DLG2: variants seen among roughly 807,000 people sequenced by gnomAD.
The protein encoded by DLG2 is discs large MAGUK scaffold protein 2.
Under a neutral mutation model 132.5 loss-of-function variants are expected in DLG2, and 45 were observed. The ratio of observed to expected loss-of-function variants is 0.34; its 90% CI spans 0.27 to 0.44. DLG2 has a LOEUF of 0.44. DLG2 is among the 20% of genes least tolerant of loss of function. The probability of loss-of-function intolerance (pLI) is 1.00; values close to 1 mark genes in which losing one functional copy is unlikely to be tolerated. For missense variants in DLG2, 1,045 were observed against 1,196.9 expected (o/e 0.87, Z 1.87); for synonymous variants, 424 against 419.6 (o/e 1.01, Z -0.13).
chr11:84,520,225 A>C (rs1271330681), intron 7 of DLG2, among the ~76,000 whole-genome samples: 2 of 152,180 alleles, frequency 1.3e-5, no homozygotes, highest in Non-Finnish European at 2.9e-5. Context: ...TGTCTACAAA[A>C]ATTGTATGGA....
At chr11:83,509,282 C>A (rs755064059) in intron 21 of DLG2, among the ~76,000 whole-genome samples, 1 of 152,202 alleles carries the variant, frequency 6.6e-6, no homozygotes, top group Non-Finnish European at 1.5e-5. Flanking sequence ...GATTCATTTT[C>A]TTCATCTGCA....
intron 11 of DLG2, among the ~76,000 whole-genome samples, chr11:84,029,660 T>C (rs1415900625): frequency 6.6e-6 from 1 of 152,150 alleles, no homozygotes; most frequent in East Asian, 1.9e-4. Flanking sequence ...AAGTGGCAGG[T>C]CCCAGGACTC....
rs116382519 is a variant in DLG2 at position 84,525,985 on chromosome 11, C to T, written c.519+8585G>A. The stretch of plus-strand genomic sequence containing the variant: ...TATAATTTTTTTTCTCTGACAACAC[C>T]CATCCTAACCTCTCCAGCTCCAAAA... On this transcript the variant is annotated intron_variant, in intron 7 of 27. Coordinates refer to ENST00000376104, the MANE Select transcript of DLG2 (RefSeq NM_001142699.3). Among the ~76,000 whole-genome samples, 590 of 152,114 alleles carry T rather than the reference C, an allele frequency of 3.9e-3. 2 individuals are homozygous for T. Among genetic ancestry groups the T allele is most frequent in the African/African-American group, 0.013 (558 of 41,498 alleles).
At chr11:84,845,064 A>G (rs1002640391) in intron 6 of DLG2, among the ~76,000 whole-genome samples, 1 of 152,116 alleles carries the variant, frequency 6.6e-6, no homozygotes, top group African/African-American at 2.4e-5. Flanking sequence ...TGACTATTAC[A>G]TTGCTTTTTA....
At chr11:83,896,586 G>A (rs998264383) in intron 15 of DLG2, among the ~76,000 whole-genome samples, 5 of 152,180 alleles carry the variant, frequency 3.3e-5, no homozygotes, top group African/African-American at 7.2e-5. Context: ...ATTCTCTTAC[G>A]ACTGAGTTTT....
intron 3 of DLG2, among the ~76,000 whole-genome samples, chr11:85,471,491 C>T (rs146162774): frequency 9.9e-5 from 15 of 151,988 alleles, no homozygotes; most frequent in East Asian, 5.8e-4. Context: ...GCACAAAACA[C>T]GTAAGGAACA....
chr11:84,810,548 A>G (rs1238373975), intron 6 of DLG2, among the ~76,000 whole-genome samples: 1 of 152,218 alleles, frequency 6.6e-6, no homozygotes, highest in African/African-American at 2.4e-5. Flanking sequence ...ATAAAATGGT[A>G]CAACCACTCT....
intron 6 of DLG2, among the ~76,000 whole-genome samples, chr11:84,737,211 G>A (rs1470598109): frequency 6.6e-6 from 1 of 151,818 alleles, no homozygotes; most frequent in Non-Finnish European, 1.5e-5. Flanking sequence ...GTTTGGTCAT[G>A]ATATATTATA....
At chr11:84,135,108 A>G (rs2154222914) in intron 9 of DLG2, among the ~76,000 whole-genome samples, 1 of 152,174 alleles carries the variant, frequency 6.6e-6, no homozygotes, top group East Asian at 1.9e-4. Context: ...GCTTTCTGAG[A>G]GTAAGAATTT....
chr11:84,923,601 C>G (rs1480531897), intron 6 of DLG2: 2 of 990,450 alleles, frequency 2.0e-6, no homozygotes, highest in African/African-American at 1.7e-5. Flanking sequence ...AAGAGGAAAC[C>G]CTTCTTCCTT....
chr11:83,796,283 A>T (rs960721618), intron 17 of DLG2, among the ~76,000 whole-genome samples: 1 of 152,228 alleles, frequency 6.6e-6, no homozygotes, highest in African/African-American at 2.4e-5. Context: ...TGTTTGGGTC[A>T]GCTCCAGTGA....
intron 6 of DLG2, among the ~76,000 whole-genome samples, chr11:85,006,806 T>C (rs1206882696): frequency 3.3e-5 from 5 of 152,192 alleles, no homozygotes; most frequent in Non-Finnish European, 5.9e-5. Context: ...CTGTAGTTCT[T>C]TTTAATTGTG....
chr11:85,359,735 C>T (rs775182007), intron 3 of DLG2, among the ~76,000 whole-genome samples: 6 of 152,120 alleles, frequency 3.9e-5, no homozygotes, highest in Non-Finnish European at 7.4e-5. Context: ...GGGGAGGGCG[C>T]AACAACGTGA....
intron 7 of DLG2, among the ~76,000 whole-genome samples, chr11:84,308,456 C>T (rs912468200): frequency 6.6e-6 from 1 of 152,218 alleles, no homozygotes; most frequent in African/African-American, 2.4e-5. Context: ...TTCTCCAAGT[C>T]CCCACCAGAG....
At chr11:85,444,633 G>A (rs1465816019) in intron 3 of DLG2, among the ~76,000 whole-genome samples, 1 of 152,192 alleles carries the variant, frequency 6.6e-6, no homozygotes, top group Non-Finnish European at 1.5e-5. Flanking sequence ...CTCGACAAGA[G>A]CTATGCCCAT....
At chr11:84,750,573 GA>G (rs1454629538) in intron 6 of DLG2, among the ~76,000 whole-genome samples, 5 of 151,416 alleles carry the variant, frequency 3.3e-5, no homozygotes, top group African/African-American at 7.3e-5. Context: ...AATAGTTATT[GA>G]AAAAAACTAT....
At chr11:85,220,133 C>G (rs972892989) in intron 4 of DLG2, among the ~76,000 whole-genome samples, 4 of 151,852 alleles carry the variant, frequency 2.6e-5, no homozygotes, top group Non-Finnish European at 5.9e-5. Flanking sequence ...TACCTGTGAG[C>G]AGTGGGGGGA....
chr11:84,125,812 T>A (rs2094143665), intron 9 of DLG2, among the ~76,000 whole-genome samples: 1 of 152,230 alleles, frequency 6.6e-6, no homozygotes, highest in Admixed American at 6.5e-5. Flanking sequence ...AAAATAGCCC[T>A]GATAAGAAAT....
chr11:85,437,868 C>G (rs1226062760), intron 3 of DLG2, among the ~76,000 whole-genome samples: 1 of 152,172 alleles, frequency 6.6e-6, no homozygotes, highest in East Asian at 1.9e-4. Context: ...TGGACGTACT[C>G]ACCCACACTA....
Sources: gnomAD v4.1 joint callset for allele counts (sites outside exome capture counted in the v4.1 genomes callset) on GRCh38, gnomAD v4.1.1 for gene constraint, MANE v1.5 for transcripts, NCBI Gene and HGNC (gene_info 2026-07-23, HGNC 2026-07-21) for gene names.